The following STK32B variants were observed in gnomAD, a reference collection of about 807,000 sequenced individuals.
STK32B encodes serine/threonine kinase 32B, also known as serine/threonine-protein kinase 32B.
Under a neutral mutation model 52.6 loss-of-function variants are expected in STK32B, and 43 were observed. The observed-to-expected ratio is 0.82, with a 90% CI of 0.64 to 1.05. The LOEUF is 1.05. Among genes scored for constraint, STK32B ranks in the 50% least tolerant of loss-of-function variants. The probability of loss-of-function intolerance (pLI) is 0.00; values close to 1 mark genes in which losing one functional copy is unlikely to be tolerated. For synonymous variants in STK32B, 238 were observed against 204.3 expected, an observed-to-expected ratio of 1.17 and a Z score of -1.41; for missense variants, 621 against 534.6, an observed-to-expected ratio of 1.16 and a Z score of -1.59.
chr4:5,303,140 A>G (rs201910017), intron 3 of STK32B, among the ~76,000 whole-genome samples: 1 of 130,970 alleles, frequency 7.6e-6, no homozygotes, highest in Non-Finnish European at 1.6e-5. Flanking sequence ...TGCCGTAAAC[A>G]TGTGTGTGCA....
the STK32B span, among the ~76,000 whole-genome samples, chr4:5,031,492 G>A: frequency 6.6e-6 from 1 of 152,176 alleles, no homozygotes; most frequent in East Asian, 1.9e-4. Context: ...CTAGCTACTG[G>A]GGAGGCTGAG....
chr4:5,215,565 C>T (rs1723135423), intron 3 of STK32B, among the ~76,000 whole-genome samples: 1 of 152,096 alleles, frequency 6.6e-6, no homozygotes, highest in Non-Finnish European at 1.5e-5. Flanking sequence ...CAAATGGCTT[C>T]CTGTTTGGAA....
At chr4:5,302,689 C>G (rs1326858110) in intron 3 of STK32B, among the ~76,000 whole-genome samples, 1 of 152,014 alleles carries the variant, frequency 6.6e-6, no homozygotes, top group Non-Finnish European at 1.5e-5. Context: ...TTCCGAGATT[C>G]TGGTGCACCC....
At chr4:5,274,037 A>G (rs1024239707) in intron 3 of STK32B, among the ~76,000 whole-genome samples, 2 of 152,166 alleles carry the variant, frequency 1.3e-5, no homozygotes, top group African/African-American at 4.8e-5. Context: ...AAAAGACTCA[A>G]TATTGCTAAG....
chr4:5,084,030 C>G (rs928709409), intron 1 of STK32B, among the ~76,000 whole-genome samples: 2 of 152,212 alleles, frequency 1.3e-5, no homozygotes, highest in Non-Finnish European at 2.9e-5. Flanking sequence ...AGCCACCATG[C>G]CCAGTCTGTT....
chr4:5,154,100 A>G (rs1028637507), intron 2 of STK32B, among the ~76,000 whole-genome samples: 57 of 152,222 alleles, frequency 3.7e-4, no homozygotes, highest in Admixed American at 3.4e-3. Context: ...CTGTGAACCT[A>G]CAATGATTGA....
chr4:5,231,943 A>G (rs947602606), intron 3 of STK32B, among the ~76,000 whole-genome samples: 4 of 152,196 alleles, frequency 2.6e-5, no homozygotes, highest in African/African-American at 9.7e-5. Context: ...AGATACACAG[A>G]AGAAAGGATC....
intron 3 of STK32B, among the ~76,000 whole-genome samples, chr4:5,241,528 G>C (rs1031307275): frequency 2.6e-5 from 4 of 151,794 alleles, no homozygotes; most frequent in Non-Finnish European, 4.4e-5. Flanking sequence ...TAAGGTCGTA[G>C]GTAGGTCTGT....
chr4:5,166,917 C>A (rs1307371865), intron 2 of STK32B, among the ~76,000 whole-genome samples: 3 of 152,066 alleles, frequency 2.0e-5, no homozygotes, highest in Non-Finnish European at 4.4e-5. Context: ...ACAATCCTTG[C>A]TAACTGTCCA....
intron 4 of STK32B, among the ~76,000 whole-genome samples, chr4:5,360,064 C>G (rs1375454830): frequency 6.6e-6 from 1 of 152,262 alleles, no homozygotes; most frequent in South Asian, 2.1e-4. Context: ...TTTCTACCTA[C>G]AGGTGATGAG....
At chr4:5,368,268 C>G (rs1007561592) in intron 4 of STK32B, among the ~76,000 whole-genome samples, 5 of 151,474 alleles carry the variant, frequency 3.3e-5, no homozygotes, top group Non-Finnish European at 5.9e-5. Flanking sequence ...AATCCTCACA[C>G]AACGTCATGA....
At chr4:5,260,684 C>T (rs933529304) in intron 3 of STK32B, among the ~76,000 whole-genome samples, 2 of 152,074 alleles carry the variant, frequency 1.3e-5, no homozygotes, top group Admixed American at 6.5e-5. Flanking sequence ...ACATGTCAGA[C>T]GGGAGAGGTG....
intron 1 of STK32B, among the ~76,000 whole-genome samples, chr4:5,110,591 C>T (rs1714351676): frequency 6.6e-6 from 1 of 152,010 alleles, no homozygotes; most frequent in Admixed American, 6.6e-5. Flanking sequence ...TATCTCTTAC[C>T]ATATACAAAA....
chr4:5,156,197 T>A (rs956603151), intron 2 of STK32B, among the ~76,000 whole-genome samples: 2 of 151,874 alleles, frequency 1.3e-5, no homozygotes, highest in Non-Finnish European at 2.9e-5. Context: ...TGAAGTGGTC[T>A]ATATGTACAT....
Position 5,466,848 on chromosome 4 carries a change from G to T in STK32B, c.1041+14G>T. On this transcript the variant is annotated intron_variant, in intron 10 of 11. Transcript: ENST00000282908. ...AGCTGCCCGCTGGTGAGTGCTTCGT[G>T]GGAGCCGTTCCGGGAGAGAAATCCT... is the stretch of plus-strand genomic sequence containing the variant. 1 of 1,610,684 alleles carries T rather than the reference G, an allele frequency of 6.2e-7. No homozygotes were observed. The highest frequency in any genetic ancestry group is 8.5e-7 in the Non-Finnish European group (1 of 1,178,524).
chr4:5,205,662 T>C (rs1365289378), intron 3 of STK32B, among the ~76,000 whole-genome samples: 1 of 150,936 alleles, frequency 6.6e-6, no homozygotes, highest in Admixed American at 6.6e-5. Context: ...AGTGAGTGAG[T>C]GAGGTGGCAG....
At chr4:5,498,795 C>A in intron 11 of STK32B, 150 bp from the exon 12 acceptor site, 1 of 1,195,488 alleles carries the variant, frequency 8.4e-7, no homozygotes, top group Non-Finnish European at 1.1e-6. Flanking sequence ...CAGTGCACAG[C>A]ACCGTGGATG....
chr4:5,233,919 G>A (rs1724443962), intron 3 of STK32B, among the ~76,000 whole-genome samples: 1 of 152,022 alleles, frequency 6.6e-6, no homozygotes, highest in African/African-American at 2.4e-5. Flanking sequence ...CTGGAAATGA[G>A]ATGGCCGGAG....
At chr4:5,346,626 A>G (rs1351130146) in intron 4 of STK32B, among the ~76,000 whole-genome samples, 1 of 152,204 alleles carries the variant, frequency 6.6e-6, no homozygotes, top group Non-Finnish European at 1.5e-5. Flanking sequence ...GAGCCTTTAC[A>G]TCTTGTTCTA....
Sources: allele counts gnomAD v4.1 joint callset (sites outside exome capture counted in the v4.1 genomes callset), GRCh38; gene constraint gnomAD v4.1.1; transcripts MANE v1.5; gene names NCBI Gene and HGNC (gene_info 2026-07-23, HGNC 2026-07-21).